Variants in AGAP1 observed in about 807,000 individuals in gnomAD.
AGAP1 encodes ArfGAP with GTPase domain, ankyrin repeat and PH domain 1, also known as arf-GAP with GTPase, ANK repeat and PH domain-containing protein 1.
A neutral mutation model predicts 105.3 loss-of-function variants in AGAP1; 29 were observed. That is an observed-to-expected ratio of 0.28 (90% CI 0.21 to 0.38). The LOEUF (loss-of-function observed/expected upper bound fraction) is 0.38. AGAP1 is among the 10% of genes least tolerant of loss of function. The pLI is 1.00. For missense variants in AGAP1, 998 were observed against 1,165.1 expected, an observed-to-expected ratio of 0.86 and a Z score of 2.09; for synonymous variants, 509 against 485.9, an observed-to-expected ratio of 1.05 and a Z score of -0.63.
In AGAP1 at chr2:235,877,096, C is replaced by T. The variant is rs191091939; in HGVS notation, c.1051-6249C>T. Among the ~76,000 whole-genome samples the T allele has an allele frequency of 3.3e-5, 5 of 152,120 alleles. No homozygotes were observed. The East Asian group carries it at 5.8e-4, about 18-fold the overall frequency. On this transcript the variant is annotated intron_variant, in intron 9 of 17. Transcript: ENST00000304032. The surrounding 1 kb of genome is among the most constrained non-coding windows in gnomAD (Gnocchi z 4.3). Reference sequence around the variant, plus strand: ...TCCTGACCTCATGATCCACCCGCCTCGGCCTCCCAAAGTGCTGGAATTACA... The same window carrying T: ...TCCTGACCTCATGATCCACCCGCCTTGGCCTCCCAAAGTGCTGGAATTACA...
Position 235,887,860 on chromosome 2 carries a change from A to G in AGAP1, c.1155+4411A>G, listed in dbSNP as rs2050343107. On this transcript the variant is annotated intron_variant, in intron 10 of 17. Coordinates refer to ENST00000304032, the MANE Select transcript of AGAP1 (RefSeq NM_001037131.3). The surrounding 1 kb of genome is among the most constrained non-coding windows in gnomAD (Gnocchi z 4.1). ...ATTCTAATCAGCTAATACTTCTATT[A>G]TGGGGTGCTGACTTGAGAGCGCCAG... Among the ~76,000 whole-genome samples, 1 of 152,218 alleles carries G rather than the reference A, an allele frequency of 6.6e-6. No individual in the cohort carries two copies. The highest frequency in any genetic ancestry group is 1.5e-5 in the Non-Finnish European group (1 of 68,050).
rs1946106812 is a variant in AGAP1, at chr2:235,610,979, C to T, written c.164-98200C>T. ...GGTTGACTGACGTTAGCTTGGCTTT[C>T]TTCCTAAGGCACCGTCTTCCTCATT... On this transcript the variant is annotated intron_variant, in intron 1 of 17. Coordinates refer to ENST00000304032, the MANE Select transcript of AGAP1 (RefSeq NM_001037131.3). This position sits in a 1 kb window ranked among gnomAD's most constrained non-coding sequence, Gnocchi z 4.9. 6.6e-6 allele frequency among the ~76,000 whole-genome samples: 1 copy of T among 152,138 alleles called. No homozygotes were observed. Among genetic ancestry groups the T allele is most frequent in the South Asian group, 2.1e-4 (1 of 4,826 alleles).
intron 1 of AGAP1, among the ~76,000 whole-genome samples, chr2:235,581,273 C>G (rs1944922948): frequency 6.7e-6 from 1 of 150,234 alleles, no homozygotes; most frequent in Admixed American, 6.6e-5. Flanking sequence ...TGCCATTGCT[C>G]TCTAGCCTGG....
Position 235,606,342 on chromosome 2 carries a change from A to G in AGAP1, c.164-102837A>G, listed in dbSNP as rs187592209. 2.0e-5 allele frequency among the ~76,000 whole-genome samples: 3 copies of G among 152,272 alleles called. No individual in the cohort carries two copies. In the East Asian group the frequency reaches 5.8e-4, roughly 29 times the overall value. On this transcript the variant is annotated intron_variant, in intron 1 of 17. Transcript: ENST00000304032. ...TGTATCTGTTTTTAAGGAAAGCAAA[A>G]CCTGTTTGCCAGAGATGAACATCCT... is the stretch of plus-strand genomic sequence containing the variant.
At chr2:235,651,623 T>C (rs1327097754) in intron 1 of AGAP1, among the ~76,000 whole-genome samples, 7 of 152,198 alleles carry the variant, frequency 4.6e-5, no homozygotes, top group Admixed American at 4.6e-4. Flanking sequence ...TTGTGGCTGT[T>C]GGCAGATTAA....
At chr2:235,682,486 G>C (rs568682538) in intron 1 of AGAP1, among the ~76,000 whole-genome samples, 1 of 152,132 alleles carries the variant, frequency 6.6e-6, no homozygotes, top group African/African-American at 2.4e-5. Context: ...GGGATTACAG[G>C]TGTCTGCCAC....
intron 1 of AGAP1, among the ~76,000 whole-genome samples, chr2:235,636,745 GTC>G (rs1211925338): frequency 6.6e-6 from 1 of 152,120 alleles, no homozygotes; most frequent in East Asian, 1.9e-4. Context: ...GAATGTGATC[GTC>G]TCTCAGAATG....
chr2:235,509,752 A>C (rs915282701), intron 1 of AGAP1, among the ~76,000 whole-genome samples: 1 of 152,058 alleles, frequency 6.6e-6, no homozygotes, highest in Non-Finnish European at 1.5e-5. Flanking sequence ...ATAAAATAGA[A>C]ATAAGATCAT....
At chr2:235,496,362 T>C (rs1941318664) in intron 1 of AGAP1, among the ~76,000 whole-genome samples, 1 of 152,162 alleles carries the variant, frequency 6.6e-6, no homozygotes, top group Non-Finnish European at 1.5e-5. Flanking sequence ...AGAGATGGGC[T>C]CTGTCTGCCT....
chr2:235,495,332 C>T (rs990482470), intron 1 of AGAP1, among the ~76,000 whole-genome samples: 2 of 152,236 alleles, frequency 1.3e-5, no homozygotes, highest in Non-Finnish European at 2.9e-5. Flanking sequence ...AGTGTGTTTG[C>T]TTAATTCAGG....
At chr2:235,512,041 A>G (rs1236519712) in intron 1 of AGAP1, among the ~76,000 whole-genome samples, 1 of 112,142 alleles carries the variant, frequency 8.9e-6, no homozygotes, top group South Asian at 3.1e-4. Context: ...ATGTGTGTGA[A>G]TGGATGTGTG....
chr2:235,918,956 A>G (rs1194963944), intron 11 of AGAP1, among the ~76,000 whole-genome samples: 1 of 152,224 alleles, frequency 6.6e-6, no homozygotes, highest in African/African-American at 2.4e-5. Flanking sequence ...GGGGATGGCC[A>G]GGACCTTGAG....
chr2:235,741,894 C>T lies in AGAP1; in HGVS notation c.396+846C>T, dbSNP rs984808405. 2.6e-5 allele frequency among the ~76,000 whole-genome samples: 4 copies of T among 151,838 alleles called. No homozygotes were observed. Among genetic ancestry groups the T allele is most frequent in the Admixed American group, 6.6e-5 (1 of 15,232 alleles). On this transcript the variant is annotated intron_variant, in intron 4 of 17. Transcript: ENST00000304032. This position sits in a 1 kb window ranked among gnomAD's most constrained non-coding sequence, Gnocchi z 4.9. ...TCAGCCTCCTGAGTAGCTGGGACTA[C>T]GGGCGCCTGCTACCACGCCTGGCTA... is the stretch of plus-strand genomic sequence containing the variant.
In AGAP1 at chr2:235,494,095, C is replaced by G. The variant is rs1487158796; in HGVS notation, c.-592C>G. On this transcript the variant is annotated 5_prime_UTR_variant, in exon 1 of 18. Coordinates refer to ENST00000304032, the MANE Select transcript of AGAP1 (RefSeq NM_001037131.3). ...GGCCGGGCAGGCGGCGGGCGGCGCT[C>G]GGAGCGGGCTCCGCGGCTTGCAAGG... The G allele has an allele frequency of 2.1e-5, 3 of 145,468 alleles. No individual in the cohort carries two copies. The highest frequency in any genetic ancestry group is 4.6e-5 in the Non-Finnish European group (3 of 65,262). The allele number at this position is 145,468 out of a possible 1,614,324, so 9.0% of individuals were successfully genotyped here. A position where few individuals can be genotyped will look rare whatever the true frequency, so the allele number is the denominator to read the frequency against.
Position 235,670,448 on chromosome 2 carries a change from C to T in AGAP1, c.164-38731C>T, listed in dbSNP as rs1488215174. ...CCGGCCGTGCGCACGCGGCCTGGAA[C>T]CCGCGGACCTGGCCGGCAGCGCCCC... On this transcript the variant is annotated intron_variant, in intron 1 of 17. Transcript: ENST00000304032. The T allele has an allele frequency of 1.7e-5, 9 of 544,350 alleles. No individual in the cohort carries two copies. In the Admixed American group the frequency reaches 1.8e-4, roughly 11 times the overall value. The allele number at this position is 544,350 out of a possible 1,614,324, so 33.7% of individuals were successfully genotyped here.
At chr2:235,948,249 C>G (rs2053582803) in intron 12 of AGAP1, among the ~76,000 whole-genome samples, 1 of 152,196 alleles carries the variant, frequency 6.6e-6, no homozygotes, top group Admixed American at 6.5e-5. Flanking sequence ...GTGGCACGAT[C>G]TCAGCTCACT....
At chr2:235,592,936 GCTGT>G (rs2149216482) in intron 1 of AGAP1, among the ~76,000 whole-genome samples, 1 of 152,260 alleles carries the variant, frequency 6.6e-6, no homozygotes, top group East Asian at 1.9e-4. Flanking sequence ...ATAAGGAGAG[GCTGT>G]CTGACAGCTT....
chr2:236,097,755 C>T (rs771716099), intron 16 of AGAP1, among the ~76,000 whole-genome samples: 4 of 152,108 alleles, frequency 2.6e-5, no homozygotes, highest in Non-Finnish European at 4.4e-5. Context: ...GCAACCATCA[C>T]GACCATCCAT....
At chr2:236,034,293 T>C (rs1403955223) in intron 13 of AGAP1, among the ~76,000 whole-genome samples, 1 of 139,988 alleles carries the variant, frequency 7.1e-6, no homozygotes, top group Non-Finnish European at 1.5e-5. Context: ...AAAGTTACAG[T>C]TACAATGATT....
Sources: gnomAD v4.1 joint callset for allele counts (sites outside exome capture counted in the v4.1 genomes callset) on GRCh38, gnomAD v4.1.1 for gene constraint, Gnocchi (gnomAD v3.1) non-coding constraint, MANE v1.5 for transcripts, NCBI Gene and HGNC (gene_info 2026-07-23, HGNC 2026-07-21) for gene names.